SPSB1: variants seen among roughly 807,000 people sequenced by gnomAD.
SPSB1 encodes splA/ryanodine receptor domain and SOCS box containing 1, also known as SPRY domain-containing SOCS box protein 1.
In SPSB1, 8 loss-of-function variants were observed where a neutral mutation model predicts 21.2. That is an observed-to-expected ratio of 0.38 (90% CI 0.22 to 0.68). The LOEUF (loss-of-function observed/expected upper bound fraction) is 0.68. Ranked by LOEUF, SPSB1 falls within the 30% of genes least tolerant of loss-of-function variation. The probability of loss-of-function intolerance (pLI) is 0.53; values close to 1 mark genes in which losing one functional copy is unlikely to be tolerated. For synonymous variants in SPSB1, 169 were observed against 161.7 expected (o/e 1.05, Z -0.34); for missense variants, 242 against 377.8 (o/e 0.64, Z 2.98).
chr1:9,339,561 G>A (rs1278175949), intron 1 of SPSB1, among the ~76,000 whole-genome samples: 4 of 152,318 alleles, frequency 2.6e-5, no homozygotes, highest in Middle Eastern at 3.4e-3. Flanking sequence ...AAAGAACATC[G>A]TTATAACTCA....
At chr1:9,365,330 T>G (rs2100524463) in intron 2 of SPSB1, among the ~76,000 whole-genome samples, 2 of 152,322 alleles carry the variant, frequency 1.3e-5, no homozygotes, top group Admixed American at 1.3e-4. Flanking sequence ...TTGCTCAGGC[T>G]GGTCTCAAAC....
At chr1:9,337,740 G>A (rs376543426) in intron 1 of SPSB1, among the ~76,000 whole-genome samples, 22 of 152,300 alleles carry the variant, frequency 1.4e-4, no homozygotes, top group East Asian at 5.8e-4. Context: ...CTGCAGAGCC[G>A]CTGGTAAGGA....
At chr1:9,340,775 A>G (rs577226802) in intron 1 of SPSB1, among the ~76,000 whole-genome samples, 1 of 152,220 alleles carries the variant, frequency 6.6e-6, no homozygotes, top group Non-Finnish European at 1.5e-5. Context: ...TATTTTATGG[A>G]AAGTCCAGCT....
chr1:9,331,318 C>CG (rs1639913258), intron 1 of SPSB1, among the ~76,000 whole-genome samples: 1 of 71,666 alleles, frequency 1.4e-5, no homozygotes, highest in African/African-American at 6.1e-5. Context: ...TACTGGTGCT[C>CG]TTGTTTTTTT....
chr1:9,330,607 G>A (rs190057087), intron 1 of SPSB1, among the ~76,000 whole-genome samples: 2 of 152,066 alleles, frequency 1.3e-5, no homozygotes, highest in Middle Eastern at 3.2e-3. Context: ...CGACACGTTT[G>A]GGGGAGTATT....
rs150030288 is a variant in SPSB1 at position 9,330,801 on chromosome 1, G to A, written c.-149-24942G>A. 3.2e-3 allele frequency among the ~76,000 whole-genome samples: 485 copies of A among 151,930 alleles called. 3 individuals carry two copies. Among genetic ancestry groups the A allele is most frequent in the African/African-American group, 0.011 (462 of 41,386 alleles). On this transcript the variant is annotated intron_variant, in intron 1 of 2. Transcript: ENST00000328089. ...GTTCAGTAGCGTTGAGTACATTACC[G>A]GATCGTACGATCATTTTGAGTTTGA...
intron 1 of SPSB1, among the ~76,000 whole-genome samples, chr1:9,331,484 C>A (rs1485650402): frequency 6.6e-6 from 1 of 151,948 alleles, no homozygotes; most frequent in African/African-American, 2.4e-5. Flanking sequence ...GCATGCGCCA[C>A]CATGCCCGAC....
intron 2 of SPSB1, among the ~76,000 whole-genome samples, chr1:9,361,192 G>T (rs1640472291): frequency 1.2e-5 from 1 of 82,702 alleles, no homozygotes; most frequent in Non-Finnish European, 2.3e-5. Context: ...TTAGAGATGG[G>T]GTCTCACTAT....
chr1:9,347,906 G>A (rs1269180366), intron 1 of SPSB1, among the ~76,000 whole-genome samples: 14 of 150,758 alleles, frequency 9.3e-5, no homozygotes, highest in Admixed American at 9.2e-4. Flanking sequence ...GTGTGTAGGA[G>A]TGTCCTTTCC....
intron 1 of SPSB1, among the ~76,000 whole-genome samples, chr1:9,349,949 GACACACGCC>G (rs1297182414): frequency 6.6e-6 from 1 of 151,892 alleles, no homozygotes; most frequent in Non-Finnish European, 1.5e-5. Context: ...CACACACACA[GACACACGCC>G]ACACACGCAG....
At chr1:9,314,430 G>T (rs1639576529) in intron 1 of SPSB1, among the ~76,000 whole-genome samples, 1 of 152,064 alleles carries the variant, frequency 6.6e-6, no homozygotes, top group Admixed American at 6.6e-5. Context: ...CTGCCCACTT[G>T]TGAGCATCTA....
intron 1 of SPSB1, among the ~76,000 whole-genome samples, chr1:9,333,519 C>T (rs772451725): frequency 7.2e-5 from 11 of 151,998 alleles, no homozygotes; most frequent in Non-Finnish European, 2.9e-5. Context: ...TTAGTAGAGA[C>T]GGGGTTTCGC....
intron 1 of SPSB1, among the ~76,000 whole-genome samples, chr1:9,296,516 A>G (rs1639228349): frequency 6.6e-6 from 1 of 152,178 alleles, no homozygotes. Context: ...AGGTTTCCTC[A>G]CCTCGCATGC....
chr1:9,297,782 G>A (rs1251983123), intron 1 of SPSB1, among the ~76,000 whole-genome samples: 1 of 152,182 alleles, frequency 6.6e-6, no homozygotes, highest in East Asian at 1.9e-4. Context: ...TAGGTTTCAT[G>A]TAGAGTTAGG....
chr1:9,300,426 G>A (rs1639309579), intron 1 of SPSB1, among the ~76,000 whole-genome samples: 1 of 152,212 alleles, frequency 6.6e-6, no homozygotes, highest in Non-Finnish European at 1.5e-5. Context: ...ATCCAGTGGT[G>A]GTTGAGGTCA....
chr1:9,339,866 G>A (rs1010822432), intron 1 of SPSB1, among the ~76,000 whole-genome samples: 5 of 152,188 alleles, frequency 3.3e-5, no homozygotes, highest in African/African-American at 9.7e-5. Flanking sequence ...GGCACAGGTC[G>A]GCCTCTAGAT....
In SPSB1 at chr1:9,321,369, C is replaced by G. The variant is rs1202908389; in HGVS notation, c.-150+28298C>G. On this transcript the variant is annotated intron_variant, in intron 1 of 2. Coordinates refer to ENST00000328089, the MANE Select transcript of SPSB1 (RefSeq NM_025106.4). This position sits in a 1 kb window ranked among gnomAD's most constrained non-coding sequence, Gnocchi z 4.8. Reference sequence around the variant, plus strand: ...AGACAGCCCGATGGCAGGGGGTGGGCTCCGAGCTCCAGGGCCCATTCTTGG... The same window carrying G: ...AGACAGCCCGATGGCAGGGGGTGGGGTCCGAGCTCCAGGGCCCATTCTTGG... 6.6e-6 allele frequency among the ~76,000 whole-genome samples: 1 copy of G among 152,140 alleles called. No homozygotes were observed. Among genetic ancestry groups the G allele is most frequent in the Non-Finnish European group, 1.5e-5 (1 of 68,028 alleles).
chr1:9,316,827 G>C (rs778084044), intron 1 of SPSB1, among the ~76,000 whole-genome samples: 2 of 152,166 alleles, frequency 1.3e-5, no homozygotes, highest in Admixed American at 1.3e-4. Flanking sequence ...TTTCCACCTC[G>C]GTTCTCCCTG....
chr1:9,357,962 C>T (rs191349898), intron 2 of SPSB1, among the ~76,000 whole-genome samples: 9 of 152,306 alleles, frequency 5.9e-5, no homozygotes, highest in Admixed American at 3.3e-4. Context: ...CCTTAAAGGG[C>T]AGGTTCAGCT....
Sources: allele counts gnomAD v4.1 joint callset (sites outside exome capture counted in the v4.1 genomes callset), GRCh38; gene constraint gnomAD v4.1.1; non-coding constraint Gnocchi (gnomAD v3.1); transcripts MANE v1.5; gene names NCBI Gene and HGNC (gene_info 2026-07-23, HGNC 2026-07-21).